Variants in DNAJC25 observed in about 807,000 individuals in gnomAD.
DNAJC25 encodes dnaJ homolog subfamily C member 25.
DNAJC25 carries 26 observed loss-of-function variants against 42.1 expected under a neutral mutation model. That is an observed-to-expected ratio of 0.62 (90% CI 0.45 to 0.86). The LOEUF (loss-of-function observed/expected upper bound fraction) is 0.86, where lower values mean the gene tolerates loss of function less well. Among genes scored for constraint, DNAJC25 ranks in the 40% least tolerant of loss-of-function variants. The pLI, the probability that DNAJC25 is intolerant of heterozygous loss-of-function variation, is 0.00. For missense variants in DNAJC25, 404 were observed against 459.4 expected, an observed-to-expected ratio of 0.88 and a Z score of 1.10; for synonymous variants, 189 against 179.9, an observed-to-expected ratio of 1.05 and a Z score of -0.40.
intron 1 of DNAJC25, among the ~76,000 whole-genome samples, chr9:111,641,597 C>G (rs1461943065): frequency 7.5e-6 from 1 of 132,928 alleles, no homozygotes; most frequent in Admixed American, 7.3e-5. Flanking sequence ...GCCCCCCGCC[C>G]GGCCAGCCGC....
chr9:111,645,187 G>A (rs910191459), intron 1 of DNAJC25, among the ~76,000 whole-genome samples: 1 of 152,054 alleles, frequency 6.6e-6, no homozygotes, highest in African/African-American at 2.4e-5. Flanking sequence ...ACTGGTGAGA[G>A]GTAAGAAATT....
intron 1 of DNAJC25, among the ~76,000 whole-genome samples, chr9:111,640,780 A>G (rs1337918524): frequency 2.0e-4 from 21 of 107,654 alleles, no homozygotes; most frequent in Non-Finnish European, 3.3e-4. Flanking sequence ...CAGCCACCCC[A>G]TCTGGGAAGT....
At chr9:111,641,698 C>T (rs1455151899) in intron 1 of DNAJC25, among the ~76,000 whole-genome samples, 6 of 139,064 alleles carry the variant, frequency 4.3e-5, no homozygotes, top group Non-Finnish European at 7.8e-5. Context: ...GCCCCCCTGC[C>T]CGGCCAGCCA....
chr9:111,651,121 G>T, intron 3 of DNAJC25, among the ~76,000 whole-genome samples: 1 of 151,770 alleles, frequency 6.6e-6, no homozygotes, highest in Non-Finnish European at 1.5e-5. Context: ...AAAATTAGCT[G>T]GGCCTGGTGG....
intron 1 of DNAJC25, among the ~76,000 whole-genome samples, chr9:111,641,674 TGG>T (rs1187035381): frequency 2.0e-3 from 39 of 19,044 alleles, no homozygotes; most frequent in African/African-American, 8.2e-3. Flanking sequence ...GGGAGGGAGG[TGG>T]GGGGGGGGTC....
chr9:111,643,109 T>C (rs529809581), intron 1 of DNAJC25: 4 of 309,512 alleles, frequency 1.3e-5, no homozygotes, highest in Non-Finnish European at 2.6e-5. Context: ...GATATTAAAC[T>C]GTTTTAAGGT....
At position 111,647,148 on chromosome 9, in the gene DNAJC25, T is replaced by G; in HGVS notation, c.378T>G (p.His126Gln). ...AAGATTATGATTACATGCTGGATCA[T>G]CCAGAAGAGTACTACAGCCATTACT... ...TRKDYDYMLD[H>Q]PEEYYSHYYH... Residue 126 changes from histidine (H) to glutamine (Q), a missense_variant, in exon 2 of 4, where the codon CAT becomes CAG. His to Gln is a conservative substitution (Grantham distance 24). Transcript: ENST00000313525. The G allele has an allele frequency of 6.2e-7, 1 of 1,614,158 alleles. No individual in the cohort carries two copies. The highest frequency in any genetic ancestry group is 1.1e-5 in the South Asian group (1 of 91,076).
intron 1 of DNAJC25, among the ~76,000 whole-genome samples, chr9:111,644,930 T>A (rs79767357): frequency 0.02 from 2,993 of 152,286 alleles, 115 homozygotes; most frequent in African/African-American, 0.069. Context: ...GGTTTACCCT[T>A]TCTAGGTTAG....
At position 111,649,282 on chromosome 9, in the gene DNAJC25, A is replaced by G. The variant is rs139171887; in HGVS notation, c.490-171A>G. ...TCCAGCCTTCAGATCCTGTGTACGC[A>G]TGGGCTTCGTTCAGTTGTGTCTTTT... On this transcript the variant is annotated intron_variant, in intron 2 of 3. Transcript: ENST00000313525. 3.2e-3 allele frequency among the ~76,000 whole-genome samples: 489 copies of G among 152,226 alleles called. 1 individual carries two copies. Among genetic ancestry groups the G allele is most frequent in the Non-Finnish European group, 5.6e-3 (378 of 68,014 alleles).
chr9:111,635,919 G>A (rs920230913), intron 1 of DNAJC25, among the ~76,000 whole-genome samples: 2 of 152,164 alleles, frequency 1.3e-5, no homozygotes, highest in Non-Finnish European at 1.5e-5. Flanking sequence ...GCCCTGTTAC[G>A]TTTCTGTTTA....
At chr9:111,641,619 G>A (rs1830468558) in intron 1 of DNAJC25, among the ~76,000 whole-genome samples, 6 of 143,984 alleles carry the variant, frequency 4.2e-5, no homozygotes, top group African/African-American at 1.6e-4. Flanking sequence ...CCGTCCGGGA[G>A]GGAGGTGGGG....
At position 111,631,525 on chromosome 9, in the gene DNAJC25, G is replaced by T; in HGVS notation, c.118G>T (p.Val40Leu). The change falls in exon 1 of 4, where the codon GTG (valine) becomes TTG (leucine). Residue 40 changes from valine to leucine, a missense_variant. Val to Leu is a conservative substitution (Grantham distance 32, BLOSUM62 1). Coordinates refer to ENST00000313525, the MANE Select transcript of DNAJC25 (RefSeq NM_001015882.3). ...GCTGGTGCGGCCCGCGGGGGCCCTGGTGGAGGGGCTCTACTGCGGCACGCG... is the reference window on the plus strand; with the variant it reads ...GCTGGTGCGGCCCGCGGGGGCCCTGTTGGAGGGGCTCTACTGCGGCACGCG... ...LLLVRPAGAL[V>L]EGLYCGTRDC... The T allele has an allele frequency of 7.4e-7, 1 of 1,346,816 alleles. No homozygotes were observed. Among genetic ancestry groups the T allele is most frequent in the Non-Finnish European group, 9.5e-7 (1 of 1,055,686 alleles). 83.4% of individuals were successfully genotyped at this position (1,346,816 alleles called of 1,614,324 possible).
At chr9:111,638,277 C>T (rs1480190641) in intron 1 of DNAJC25, among the ~76,000 whole-genome samples, 1 of 152,182 alleles carries the variant, frequency 6.6e-6, no homozygotes, top group Non-Finnish European at 1.5e-5. Context: ...CATTTTTAAT[C>T]AGATAGGGAA....
At chr9:111,650,021 C>A (rs1020320225) in intron 3 of DNAJC25, 98 bp downstream of exon 3, 1 of 1,146,074 alleles carries the variant, frequency 8.7e-7, no homozygotes, top group Non-Finnish European at 1.2e-6. Context: ...GCTCACATTT[C>A]TGAAATCCTA....
chr9:111,651,032 C>G (rs1412225970), intron 3 of DNAJC25, among the ~76,000 whole-genome samples: 1 of 151,872 alleles, frequency 6.6e-6, no homozygotes, highest in Non-Finnish European at 1.5e-5. Flanking sequence ...TTTGGGAGGT[C>G]GAGGCAGGTG....
intron 3 of DNAJC25, among the ~76,000 whole-genome samples, chr9:111,652,520 A>T (rs1463094107): frequency 6.7e-6 from 1 of 148,350 alleles, no homozygotes; most frequent in East Asian, 2.1e-4. Flanking sequence ...GTCTCAAAAA[A>T]AAAAAAAAAA....
intron 1 of DNAJC25, among the ~76,000 whole-genome samples, chr9:111,638,436 TA>T (rs1248659739): frequency 2.0e-5 from 3 of 152,226 alleles, no homozygotes; most frequent in Admixed American, 6.5e-5. Context: ...TAAAATAGGT[TA>T]GTCAAAGACA....
intron 1 of DNAJC25, among the ~76,000 whole-genome samples, chr9:111,634,062 C>T (rs918261792): frequency 3.3e-5 from 5 of 152,128 alleles, no homozygotes; most frequent in Admixed American, 6.5e-5. Flanking sequence ...CCAGAACGCC[C>T]ACTGTCTTAC....
rs534332670 is a variant in DNAJC25, at chr9:111,653,747, A to G, written c.*525A>G. 1 of 152,724 alleles carries G rather than the reference A, an allele frequency of 6.5e-6. No individual in the cohort carries two copies. Among genetic ancestry groups the G allele is most frequent in the South Asian group, 2.1e-4 (1 of 4,822 alleles). The allele number at this position is 152,724 out of a possible 1,614,324, so 9.5% of individuals were successfully genotyped here. On this transcript the variant is annotated 3_prime_UTR_variant, in exon 4 of 4. Coordinates refer to ENST00000313525, the MANE Select transcript of DNAJC25 (RefSeq NM_001015882.3). ...TCATTGCAGTCATTATAGGATTGAA[A>G]TACGTTCAAAATAACCTCTCTAGGA...
Sources: gnomAD v4.1 joint callset for allele counts (sites outside exome capture counted in the v4.1 genomes callset) on GRCh38, gnomAD v4.1.1 for gene constraint, MANE v1.5 for transcripts, NCBI Gene and HGNC (gene_info 2026-07-23, HGNC 2026-07-21) for gene names.